The following PSPC1 variants were observed in gnomAD, a reference collection of about 807,000 sequenced individuals.
PSPC1 encodes paraspeckle protein 1.
PSPC1 carries 14 observed loss-of-function variants against 51.6 expected under a neutral mutation model. The observed-to-expected ratio is 0.27, with a 90% CI of 0.18 to 0.42. PSPC1 has a LOEUF of 0.42. PSPC1 is among the 10% of genes least tolerant of loss of function. The pLI is 1.00. For synonymous variants in PSPC1, 193 were observed against 231.9 expected (o/e 0.83, Z 1.53); for missense variants, 406 against 701.1 (o/e 0.58, Z 4.75).
chr13:19,737,788 A>G (rs1358249148), intron 5 of PSPC1, among the ~76,000 whole-genome samples: 1 of 152,186 alleles, frequency 6.6e-6, no homozygotes, highest in Non-Finnish European at 1.5e-5. Context: ...AAAAAGCCAT[A>G]AAATACAGCA....
chr13:19,686,553 C>A (rs1395306285), intron 6 of PSPC1, among the ~76,000 whole-genome samples: 1 of 152,048 alleles, frequency 6.6e-6, no homozygotes, highest in East Asian at 1.9e-4. Context: ...AGCGGCTGCC[C>A]CTGGATAGAG....
At position 19,782,506 on chromosome 13, in the gene PSPC1, G is replaced by A. The variant is rs199904532; in HGVS notation, c.252C>T (p.Leu84=). 1.8e-4 allele frequency: 284 copies of A among 1,613,418 alleles called. No individual in the cohort carries two copies. Among genetic ancestry groups the A allele is most frequent in the Non-Finnish European group, 2.3e-4 (268 of 1,179,762 alleles). The part of the protein sequence containing the change: ...GEKTYTQRCR[L]FVGNLPTDIT... ...TGTCGGTGGGCAGATTTCCCACGAA[G>A]AGGCGGCAGCGCTGCGTGTACGTCT... Residue 84 remains leucine (L), a synonymous_variant, in exon 1 of 9, where the codon CTC becomes CTT. Transcript: ENST00000338910. The surrounding 1 kb of genome is among the most constrained non-coding windows in gnomAD (Gnocchi z 4.5).
chr13:19,734,840 T>TG (rs140828543), intron 5 of PSPC1, among the ~76,000 whole-genome samples: 4,522 of 151,402 alleles, frequency 0.03, 200 homozygotes, highest in Admixed American at 0.12. Context: ...TAGCCGGGCG[T>TG]GGTGGCGTGC....
chr13:19,683,211 A>ATT (rs1382131418), intron 6 of PSPC1, among the ~76,000 whole-genome samples: 1 of 152,208 alleles, frequency 6.6e-6, no homozygotes, highest in African/African-American at 2.4e-5. Context: ...CTTGTACAAG[A>ATT]GTGTTCATAG....
intron 6 of PSPC1, among the ~76,000 whole-genome samples, chr13:19,710,630 A>G (rs1240293400): frequency 6.6e-6 from 1 of 152,220 alleles, no homozygotes; most frequent in Non-Finnish European, 1.5e-5. Flanking sequence ...GAAATAAAAT[A>G]AAAGCCTATG....
chr13:19,677,454 GAAAGAGGAGGGC>G lies in PSPC1; in HGVS notation c.*76+258_*76+269del, dbSNP rs550302496. 2.8e-3 allele frequency among the ~76,000 whole-genome samples: 432 copies of G among 152,228 alleles called. 4 individuals are homozygous for G. Among genetic ancestry groups the G allele is most frequent in the South Asian group, 0.025 (120 of 4,826 alleles). On this transcript the variant is annotated intron_variant and NMD_transcript_variant, in intron 7 of 7. Coordinates refer to the PSPC1 transcript ENST00000471658. ...TTAATATACGCATTACACCAGTGAG[GAAAGAGGAGGGC>G]AAGGCGAAGCTGAGAGTCCCCTCTA...
downstream of PSPC1, among the ~76,000 whole-genome samples, chr13:19,699,814 T>C (rs1168993659): frequency 6.6e-6 from 1 of 152,048 alleles, no homozygotes; most frequent in Non-Finnish European, 1.5e-5. Context: ...ATTTACTGCC[T>C]TATTCTTGAA....
intron 1 of PSPC1, among the ~76,000 whole-genome samples, chr13:19,779,969 G>GC (rs1342150603): frequency 4.1e-4 from 57 of 139,472 alleles, no homozygotes; most frequent in African/African-American, 1.4e-3. Flanking sequence ...GGGGGGGTCG[G>GC]CCCCCCGCCC....
chr13:19,747,394 T>C (rs1886104724), intron 4 of PSPC1, among the ~76,000 whole-genome samples: 1 of 152,174 alleles, frequency 6.6e-6, no homozygotes, highest in Admixed American at 6.6e-5. Context: ...TACAGTGGCA[T>C]AATTACAGCT....
intron 1 of PSPC1, among the ~76,000 whole-genome samples, chr13:19,780,109 G>A (rs1463966843): frequency 2.0e-4 from 19 of 92,890 alleles, no homozygotes; most frequent in African/African-American, 6.5e-4. Context: ...CCCTCTGCCC[G>A]GCCAGCCGCC....
chr13:19,768,974 CAA>C (rs35394300), intron 2 of PSPC1, among the ~76,000 whole-genome samples: 47 of 123,814 alleles, frequency 3.8e-4, no homozygotes, highest in Admixed American at 4.9e-4. Context: ...ATCTCTACTG[CAA>C]AAAAAAAAAA....
At chr13:19,673,260 G>A (rs1440117929), downstream of PSPC1, 1 of 400,898 alleles carries the variant, frequency 2.5e-6, no homozygotes, top group Non-Finnish European at 4.9e-6. Context: ...ATCAAGCTCA[G>A]TCTGGGTTAT....
chr13:19,677,095 T>A (rs1262384490), intron 7 of PSPC1, among the ~76,000 whole-genome samples: 1 of 151,984 alleles, frequency 6.6e-6, no homozygotes, highest in South Asian at 2.1e-4. Flanking sequence ...TAGCCGGGCA[T>A]GGTGGCAGGC....
intron 4 of PSPC1, 79 bp downstream of exon 4, chr13:19,751,192 A>C: frequency 8.5e-7 from 1 of 1,170,708 alleles, no homozygotes; most frequent in Non-Finnish European, 1.1e-6. Flanking sequence ...ATGGCACTTT[A>C]CACAGTAGTA....
intron 3 of PSPC1, among the ~76,000 whole-genome samples, chr13:19,755,736 A>T (rs1887003644): frequency 6.6e-6 from 1 of 151,986 alleles, no homozygotes; most frequent in East Asian, 1.9e-4. Context: ...CTCAGTCGTT[A>T]TTGATTCCTT....
downstream of PSPC1, among the ~76,000 whole-genome samples, chr13:19,701,703 C>A (rs1466337799): frequency 6.6e-6 from 1 of 152,190 alleles, no homozygotes; most frequent in Non-Finnish European, 1.5e-5. Flanking sequence ...CCAAACTACA[C>A]CTTCCAGCAA....
chr13:19,725,307 G>T (rs1174921051), intron 6 of PSPC1, among the ~76,000 whole-genome samples: 4 of 152,156 alleles, frequency 2.6e-5, no homozygotes. Flanking sequence ...TACTAATTTG[G>T]ATTCCTCAGG....
chr13:19,700,177 A>G (rs1325035694), downstream of PSPC1, among the ~76,000 whole-genome samples: 2 of 152,108 alleles, frequency 1.3e-5, no homozygotes, highest in Admixed American at 6.5e-5. Context: ...AATCATTCAC[A>G]TTGCTATTTA....
At chr13:19,691,368 C>CT (rs1293302263) in intron 6 of PSPC1, among the ~76,000 whole-genome samples, 6 of 151,218 alleles carry the variant, frequency 4.0e-5, no homozygotes, top group Non-Finnish European at 5.9e-5. Flanking sequence ...GTTTCTATAA[C>CT]TTTTTTTTTA....
Sources: gnomAD v4.1 joint callset for allele counts (sites outside exome capture counted in the v4.1 genomes callset) on GRCh38, gnomAD v4.1.1 for gene constraint, Gnocchi (gnomAD v3.1) non-coding constraint, MANE v1.5 for transcripts, NCBI Gene and HGNC (gene_info 2026-07-23, HGNC 2026-07-21) for gene names.